MYO1D: variants seen among roughly 807,000 people sequenced by gnomAD.
MYO1D encodes myosin ID, also known as unconventional myosin-Id.
Under a neutral mutation model 122.0 loss-of-function variants are expected in MYO1D, and 83 were observed. That is an observed-to-expected ratio of 0.68 (90% CI 0.57 to 0.82). The LOEUF (loss-of-function observed/expected upper bound fraction) is 0.82. Among genes scored for constraint, MYO1D ranks in the 40% least tolerant of loss-of-function variants. The pLI is 0.00. For synonymous variants in MYO1D, 464 were observed against 446.9 expected, an observed-to-expected ratio of 1.04 and a Z score of -0.48; for missense variants, 1,157 against 1,269.5, an observed-to-expected ratio of 0.91 and a Z score of 1.35.
At chr17:32,501,626 A>G (rs1909321413) in intron 21 of MYO1D, among the ~76,000 whole-genome samples, 2 of 152,190 alleles carry the variant, frequency 1.3e-5, no homozygotes, top group African/African-American at 2.4e-5. Context: ...AGCTGGACAC[A>G]TGGAGGCTGA....
chr17:32,634,900 G>C (rs1483756517), intron 20 of MYO1D, among the ~76,000 whole-genome samples: 2 of 152,200 alleles, frequency 1.3e-5, no homozygotes. Context: ...CTGTGACCAA[G>C]GTCCAAATGT....
At chr17:32,842,395 G>A (rs2090891380) in intron 1 of MYO1D, among the ~76,000 whole-genome samples, 1 of 152,132 alleles carries the variant, frequency 6.6e-6, no homozygotes, top group Non-Finnish European at 1.5e-5. Flanking sequence ...GGTCACTTAG[G>A]ACTCTTAGGA....
At chr17:32,868,948 C>G (rs1282951225) in intron 1 of MYO1D, among the ~76,000 whole-genome samples, 3 of 152,022 alleles carry the variant, frequency 2.0e-5, no homozygotes, top group Admixed American at 6.6e-5. Context: ...GTGGCTCATG[C>G]CTGTAATCTC....
In MYO1D at chr17:32,572,826, T is replaced by C. The variant is rs2150896463; in HGVS notation, c.2864+32261A>G. Among the ~76,000 whole-genome samples the C allele has an allele frequency of 2.0e-5, 3 of 152,166 alleles. No individual in the cohort carries two copies. In the South Asian group the frequency reaches 6.2e-4, roughly 32 times the overall value. On this transcript the variant is annotated intron_variant, in intron 21 of 21. Transcript: ENST00000318217. ...ATCTCAGATCTTCTCCTTCTTCTCG[T>C]CATTCAAATCCTAACTGAAGGGTCA... is the stretch of plus-strand genomic sequence containing the variant.
Position 32,529,338 on chromosome 17 carries a change from C to T in MYO1D, c.2865-34423G>A, listed in dbSNP as rs144761561. 2.5e-3 allele frequency among the ~76,000 whole-genome samples: 383 copies of T among 151,622 alleles called. 3 individuals carry two copies. The highest frequency in any genetic ancestry group is 8.7e-3 in the African/African-American group (357 of 41,236). The stretch of plus-strand genomic sequence containing the variant: ...TATAGCAGGAAGCAGGTGAGGTGTC[C>T]CTCCAGAGACGTGAGCTGCCTGGAC... On this transcript the variant is annotated intron_variant, in intron 21 of 21. Coordinates refer to ENST00000318217, the MANE Select transcript of MYO1D (RefSeq NM_015194.3).
chr17:32,869,376 C>T (rs927383365), intron 1 of MYO1D, among the ~76,000 whole-genome samples: 14 of 152,246 alleles, frequency 9.2e-5, no homozygotes, highest in African/African-American at 3.4e-4. Context: ...ACCCTCTGAC[C>T]CCATTATGAA....
intron 21 of MYO1D, among the ~76,000 whole-genome samples, chr17:32,560,299 T>C (rs906029065): frequency 6.6e-6 from 1 of 151,788 alleles, no homozygotes; most frequent in African/African-American, 2.4e-5. Flanking sequence ...ATATGCCTGA[T>C]GTTAAAATAC....
chr17:32,770,952 G>GT (rs1369645128), intron 6 of MYO1D, among the ~76,000 whole-genome samples, 173 bp downstream of exon 6: 2 of 152,182 alleles, frequency 1.3e-5, no homozygotes, highest in Non-Finnish European at 2.9e-5. Context: ...AAGCAAAGTT[G>GT]TTGATTCAAA....
At chr17:32,766,742 A>G (rs1206344696) in intron 7 of MYO1D, among the ~76,000 whole-genome samples, 1 of 152,090 alleles carries the variant, frequency 6.6e-6, no homozygotes, top group African/African-American at 2.4e-5. Context: ...CAGTGAGCCT[A>G]GATTGCACCA....
chr17:32,553,077 C>CAAAAAAA (rs200769034), intron 21 of MYO1D, among the ~76,000 whole-genome samples: 3 of 105,696 alleles, frequency 2.8e-5, no homozygotes, highest in Admixed American at 9.6e-5. Context: ...TTCTCTAAGA[C>CAAAAAAA]AAAAAAAAAA....
intron 21 of MYO1D, among the ~76,000 whole-genome samples, chr17:32,520,443 A>G (rs770136142): frequency 1.6e-4 from 25 of 152,274 alleles, no homozygotes; most frequent in South Asian, 2.1e-4. Flanking sequence ...CTCAGCGAAT[A>G]GCAAAACGGG....
chr17:32,762,371 C>T (rs1185808524), intron 8 of MYO1D, among the ~76,000 whole-genome samples: 2 of 152,132 alleles, frequency 1.3e-5, no homozygotes, highest in Admixed American at 1.3e-4. Flanking sequence ...TCTCATTCTC[C>T]ACATAATAGG....
intron 1 of MYO1D, among the ~76,000 whole-genome samples, chr17:32,868,614 AG>A (rs1338133540): frequency 6.6e-6 from 1 of 152,164 alleles, no homozygotes; most frequent in Non-Finnish European, 1.5e-5. Flanking sequence ...TAGGGAGGTG[AG>A]GCCATTCGGG....
intron 21 of MYO1D, among the ~76,000 whole-genome samples, chr17:32,598,037 T>A (rs2087519181): frequency 6.6e-6 from 1 of 152,128 alleles, no homozygotes; most frequent in Non-Finnish European, 1.5e-5. Context: ...GCATTTACAA[T>A]GAACAAAAGC....
At chr17:32,847,288 G>A (rs1257123323) in intron 1 of MYO1D, among the ~76,000 whole-genome samples, 3 of 152,194 alleles carry the variant, frequency 2.0e-5, no homozygotes, top group South Asian at 2.1e-4. Context: ...CAAACATGGT[G>A]AAAGTTACGA....
At chr17:32,533,910 C>T (rs1397774824) in intron 21 of MYO1D, among the ~76,000 whole-genome samples, 1 of 152,022 alleles carries the variant, frequency 6.6e-6, no homozygotes, top group African/African-American at 2.4e-5. Flanking sequence ...TCAAAATGCC[C>T]AATAAACAAA....
At chr17:32,846,752 G>A (rs558508693) in intron 1 of MYO1D, among the ~76,000 whole-genome samples, 1 of 152,310 alleles carries the variant, frequency 6.6e-6, no homozygotes, top group Non-Finnish European at 1.5e-5. Context: ...AGCCGAGGCA[G>A]GAAGACTGCT....
intron 16 of MYO1D, among the ~76,000 whole-genome samples, chr17:32,664,859 G>T (rs1359897130): frequency 1.3e-5 from 2 of 152,132 alleles, no homozygotes; most frequent in Non-Finnish European, 2.9e-5. Flanking sequence ...TCACTTCTCT[G>T]CTCAAACTCT....
At chr17:32,804,941 A>G (rs2090497332) in intron 1 of MYO1D, among the ~76,000 whole-genome samples, 2 of 152,178 alleles carry the variant, frequency 1.3e-5, no homozygotes, top group South Asian at 4.2e-4. Flanking sequence ...TTGGTCACAC[A>G]CAGTCTGACC....
Sources: gnomAD v4.1 joint callset for allele counts (sites outside exome capture counted in the v4.1 genomes callset) on GRCh38, gnomAD v4.1.1 for gene constraint, MANE v1.5 for transcripts, NCBI Gene and HGNC (gene_info 2026-07-23, HGNC 2026-07-21) for gene names.